The following USP47 variants were observed in gnomAD, a reference collection of about 807,000 sequenced individuals.
USP47 encodes ubiquitin carboxyl-terminal hydrolase 47.
In USP47, 35 loss-of-function variants were observed where a neutral mutation model predicts 165.1. That is an observed-to-expected ratio of 0.21 (90% CI 0.16 to 0.28). The LOEUF (loss-of-function observed/expected upper bound fraction) is 0.28, where lower values mean the gene tolerates loss of function less well. Among genes scored for constraint, USP47 ranks in the 10% least tolerant of loss-of-function variants. USP47 has a pLI of 1.00. For missense variants in USP47, 1,277 were observed against 1,607.4 expected, an observed-to-expected ratio of 0.79 and a Z score of 3.52; for synonymous variants, 531 against 544.5, an observed-to-expected ratio of 0.98 and a Z score of 0.35.
chr11:11,913,130 G>C (rs1457507570), intron 8 of USP47, among the ~76,000 whole-genome samples: 1 of 151,728 alleles, frequency 6.6e-6, no homozygotes, highest in African/African-American at 2.4e-5. Context: ...CTCCTTTTCA[G>C]CATAGTCCTA....
intron 20 of USP47, among the ~76,000 whole-genome samples, chr11:11,946,535 A>T (rs1564893166): frequency 6.6e-6 from 1 of 152,224 alleles, no homozygotes; most frequent in Non-Finnish European, 1.5e-5. Flanking sequence ...AGGTTGAGGG[A>T]GATTGGATGA....
chr11:11,862,474 T>A (rs1164499482), intron 1 of USP47, among the ~76,000 whole-genome samples: 1 of 152,148 alleles, frequency 6.6e-6, no homozygotes, highest in East Asian at 1.9e-4. Flanking sequence ...GAAGTATTAG[T>A]GTATTCCTGA....
chr11:11,920,257 T>G lies in USP47; in HGVS notation c.1065+6T>G. 6.2e-7 allele frequency: 1 copy of G among 1,607,794 alleles called. No individual in the cohort carries two copies. The highest frequency in any genetic ancestry group is 8.5e-7 in the Non-Finnish European group (1 of 1,177,004). The stretch of plus-strand genomic sequence containing the variant: ...AGAAGTGTGATGCACGGAAGGTAAA[T>G]GCCATGTAGAGATTAATACTTAGGA... On this transcript the variant is annotated splice_donor_region_variant and intron_variant, in intron 9 of 27. Coordinates refer to ENST00000527733, the MANE Select transcript of USP47 (RefSeq NM_001282659.2).
chr11:11,943,402 T>C, intron 20 of USP47: 1 of 195,560 alleles, frequency 5.1e-6, no homozygotes, highest in East Asian at 1.2e-4. Context: ...TATTAAAAAG[T>C]AAATAATATT....
intron 27 of USP47, 133 bp from the exon 28 acceptor site, chr11:11,955,868 G>A (rs1590476786): frequency 1.4e-6 from 1 of 721,166 alleles, no homozygotes; most frequent in African/African-American, 1.9e-5. Flanking sequence ...GGACATCTCA[G>A]TATATAAAAT....
chr11:11,906,718 A>G (rs529549788), intron 8 of USP47, among the ~76,000 whole-genome samples: 4 of 152,158 alleles, frequency 2.6e-5, no homozygotes, highest in Non-Finnish European at 4.4e-5. Context: ...ATCTAGGTGT[A>G]TTAAATGAGC....
At chr11:11,859,833 G>A (rs1326564456) in intron 1 of USP47, among the ~76,000 whole-genome samples, 4 of 152,090 alleles carry the variant, frequency 2.6e-5, no homozygotes, top group Admixed American at 1.3e-4. Context: ...GCCAGGCACC[G>A]TGGCTCACGC....
chr11:11,929,333 T>C (rs1590400873), intron 11 of USP47, 101 bp from the exon 12 acceptor site: 1 of 1,482,886 alleles, frequency 6.7e-7, no homozygotes, highest in Middle Eastern at 2.5e-4. Flanking sequence ...ATAGGACAAC[T>C]TACCATGTTA....
chr11:11,955,269 A>G (rs1331206776), intron 27 of USP47, 105 bp downstream of exon 27: 1 of 1,371,192 alleles, frequency 7.3e-7, no homozygotes, highest in Admixed American at 2.5e-5. Context: ...ATGGAGCGGC[A>G]CTAACCGGTA....
At chr11:11,880,423 A>G (rs1380377236) in intron 2 of USP47, 43 bp downstream of exon 2, 4 of 1,246,824 alleles carry the variant, frequency 3.2e-6, no homozygotes, top group Admixed American at 8.0e-5. Flanking sequence ...TATTATAGCC[A>G]TTGTTGTTGT....
At chr11:11,851,840 T>C (rs1209420437) in intron 1 of USP47, among the ~76,000 whole-genome samples, 1 of 152,158 alleles carries the variant, frequency 6.6e-6, no homozygotes, top group African/African-American at 2.4e-5. Flanking sequence ...TTGTGGATGC[T>C]CTCTCATGAA....
rs1848745820 is a variant in USP47, at chr11:11,851,856, TG to T, written c.39+9633del. On this transcript the variant is annotated intron_variant, in intron 1 of 27. Transcript: ENST00000527733. Reference sequence around the variant, plus strand: ...TGTGGATGCTCTCTCATGAATAGATTGAGGTTATGAATAAAAAGAAGGATTA... The same window carrying T: ...TGTGGATGCTCTCTCATGAATAGATTAGGTTATGAATAAAAAGAAGGATTA... Among the ~76,000 whole-genome samples, 5 of 152,106 alleles carry T rather than the reference TG, an allele frequency of 3.3e-5. No individual in the cohort carries two copies. In the South Asian group the frequency reaches 1.0e-3, roughly 31 times the overall value.
At chr11:11,878,716 A>G (rs2134294724) in intron 1 of USP47, 1 of 152,182 alleles carries the variant, frequency 6.6e-6, no homozygotes, top group Non-Finnish European at 1.5e-5. Context: ...TATTTTAAAT[A>G]TTATACTTTT....
At position 11,956,315 on chromosome 11, in the gene USP47, C is replaced by T; in HGVS notation, c.*140C>T. The stretch of plus-strand genomic sequence containing the variant: ...ACTGATTGGACTGCCCTACACCAAT[C>T]AGAAGCTCAGTGCCCAATGGGCCAC... On this transcript the variant is annotated 3_prime_UTR_variant, in exon 28 of 28. Coordinates refer to ENST00000527733, the MANE Select transcript of USP47 (RefSeq NM_001282659.2). The T allele has an allele frequency of 1.3e-6, 1 of 751,240 alleles. No individual in the cohort carries two copies. Among genetic ancestry groups the T allele is most frequent in the Non-Finnish European group, 2.1e-6 (1 of 479,940 alleles). The allele number at this position is 751,240 out of a possible 1,614,324, so 46.5% of individuals were successfully genotyped here. A position where few individuals can be genotyped will look rare whatever the true frequency, so the allele number is the denominator to read the frequency against.
rs937150235 is a variant in USP47, at chr11:11,890,166, C to G, written c.358-1802C>G. ...AGGCACAGATTTCATGATGAAATTC[C>G]AAAAGCAATTGCAACAAAAGCAAAA... On this transcript the variant is annotated intron_variant, in intron 3 of 27. Coordinates refer to ENST00000527733, the MANE Select transcript of USP47 (RefSeq NM_001282659.2). 3.3e-5 allele frequency among the ~76,000 whole-genome samples: 5 copies of G among 152,128 alleles called. No individual in the cohort carries two copies. The East Asian group carries it at 9.7e-4, about 29-fold the overall frequency.
rs1465524362 is a variant in USP47 at position 11,880,418 on chromosome 11, T to C, written c.243+38T>C. Reference sequence around the variant, plus strand: ...ACTTAAGCTTCTAAAAATGTTATTATAGCCATTGTTGTTGTTGTTACTGAT... The same window carrying C: ...ACTTAAGCTTCTAAAAATGTTATTACAGCCATTGTTGTTGTTGTTACTGAT... On this transcript the variant is annotated intron_variant, in intron 2 of 27. Transcript: ENST00000527733. The C allele has an allele frequency of 2.4e-6, 3 of 1,256,264 alleles. No homozygotes were observed. In the African/African-American group the frequency reaches 4.7e-5, roughly 20 times the overall value. The allele number at this position is 1,256,264 out of a possible 1,614,324, so 77.8% of individuals were successfully genotyped here. A position where few individuals can be genotyped will look rare whatever the true frequency, so the allele number is the denominator to read the frequency against.
Position 11,960,351 on chromosome 11 carries a change from G to C in USP47, c.*4176G>C, listed in dbSNP as rs939350218. Among the ~76,000 whole-genome samples, 3 of 152,130 alleles carry C rather than the reference G, an allele frequency of 2.0e-5. No homozygotes were observed. The highest frequency in any genetic ancestry group is 2.0e-4 in the Admixed American group (3 of 15,266). ...TAGTAACTTTTTTGTAGACATGAAG[G>C]TAGATGCCCTGCAGGTCCTATCAGC... On this transcript the variant is annotated 3_prime_UTR_variant, in exon 28 of 28. Coordinates refer to ENST00000527733, the MANE Select transcript of USP47 (RefSeq NM_001282659.2).
intron 1 of USP47, among the ~76,000 whole-genome samples, chr11:11,867,601 A>G (rs1849766238): frequency 6.6e-6 from 1 of 152,186 alleles, no homozygotes; most frequent in Non-Finnish European, 1.5e-5. Flanking sequence ...CATTTATTTT[A>G]TAATGTAACT....
intron 1 of USP47, among the ~76,000 whole-genome samples, chr11:11,861,326 C>T (rs956197635): frequency 1.3e-5 from 2 of 152,082 alleles, no homozygotes; most frequent in African/African-American, 4.8e-5. Flanking sequence ...GAACTCCTGA[C>T]CTCGGGTGAT....
Sources: allele counts gnomAD v4.1 joint callset (sites outside exome capture counted in the v4.1 genomes callset), GRCh38; gene constraint gnomAD v4.1.1; transcripts MANE v1.5; gene names NCBI Gene and HGNC (gene_info 2026-07-23, HGNC 2026-07-21).